Variants in RALGAPA2 observed in about 807,000 individuals in gnomAD.
RALGAPA2 encodes the protein ral GTPase-activating protein subunit alpha-2.
A neutral mutation model predicts 230.4 loss-of-function variants in RALGAPA2; 139 were observed. That is an observed-to-expected ratio of 0.60 (90% CI 0.53 to 0.69). The LOEUF (loss-of-function observed/expected upper bound fraction) is 0.69. Among genes scored for constraint, RALGAPA2 ranks in the 30% least tolerant of loss-of-function variants. RALGAPA2 has a pLI of 0.00. For missense variants in RALGAPA2, 2,163 were observed against 2,276.0 expected (o/e 0.95, Z 1.01); for synonymous variants, 847 against 837.8 (o/e 1.01, Z -0.19).
At chr20:20,483,979 C>A (rs1377458718) in intron 36 of RALGAPA2, among the ~76,000 whole-genome samples, 1 of 152,142 alleles carries the variant, frequency 6.6e-6, no homozygotes, top group African/African-American at 2.4e-5. Flanking sequence ...GGGTGTCCTG[C>A]ATAAAGGTCA....
chr20:20,686,510 C>T (rs538375555), intron 1 of RALGAPA2, among the ~76,000 whole-genome samples: 28 of 147,608 alleles, frequency 1.9e-4, no homozygotes, highest in East Asian at 1.0e-3. Flanking sequence ...CCAGCCTGGA[C>T]GACAGAGTGA....
intron 36 of RALGAPA2, among the ~76,000 whole-genome samples, chr20:20,487,139 G>A (rs1319657439): frequency 6.6e-6 from 1 of 152,106 alleles, no homozygotes; most frequent in Non-Finnish European, 1.5e-5. Flanking sequence ...ACTTTTTGTT[G>A]AAAGCTGGAT....
chr20:20,672,583 A>G (rs1436123840), intron 3 of RALGAPA2, among the ~76,000 whole-genome samples: 3 of 152,220 alleles, frequency 2.0e-5, no homozygotes, highest in Admixed American at 6.5e-5. Flanking sequence ...GAAGGGAGTT[A>G]GTGAACTGGA....
chr20:20,543,325 G>A (rs1010811708), intron 24 of RALGAPA2, among the ~76,000 whole-genome samples: 2 of 152,124 alleles, frequency 1.3e-5, no homozygotes, highest in African/African-American at 2.4e-5. Context: ...GATTACAGGC[G>A]TGAGCTACCA....
chr20:20,404,673 G>A (rs1165636953), intron 38 of RALGAPA2, among the ~76,000 whole-genome samples: 1 of 152,174 alleles, frequency 6.6e-6, no homozygotes, highest in African/African-American at 2.4e-5. Flanking sequence ...AATTGTCTCT[G>A]AGAAAAATTC....
intron 16 of RALGAPA2, among the ~76,000 whole-genome samples, chr20:20,591,684 C>CCACACACACA (rs148734336): frequency 1.4e-4 from 20 of 147,592 alleles, no homozygotes; most frequent in African/African-American, 4.7e-4. Flanking sequence ...GAACAGAAAA[C>CCACACACACA]CACACACACA....
chr20:20,607,170 AT>A (rs199909881), intron 14 of RALGAPA2, among the ~76,000 whole-genome samples: 3,016 of 152,290 alleles, frequency 0.02, 50 homozygotes, highest in South Asian at 0.05. Context: ...TTATATATAG[AT>A]TTTTTAATGG....
Position 20,392,331 on chromosome 20 carries a change from G to A in RALGAPA2, c.*958C>T, listed in dbSNP as rs934721903. 2 of 152,254 alleles carry A rather than the reference G, an allele frequency of 1.3e-5. No homozygotes were observed. The highest frequency in any genetic ancestry group is 2.4e-5 in the African/African-American group (1 of 41,460). The allele number at this position is 152,254 out of a possible 1,614,324, so 9.4% of individuals were successfully genotyped here. A position where few individuals can be genotyped will look rare whatever the true frequency, so the allele number is the denominator to read the frequency against. On this transcript the variant is annotated 3_prime_UTR_variant, in exon 40 of 40. Coordinates refer to ENST00000202677, the MANE Select transcript of RALGAPA2 (RefSeq NM_020343.4). ...AGAAACATTTCTGAGGCCTGTGTGA[G>A]GCCTCTCTGGGCAACAGACAGGAGC...
intron 1 of RALGAPA2, among the ~76,000 whole-genome samples, chr20:20,684,712 G>A (rs987665143): frequency 6.6e-6 from 1 of 152,180 alleles, no homozygotes; most frequent in Non-Finnish European, 1.5e-5. Context: ...CAGCACTTCA[G>A]AAGAGTTGAA....
chr20:20,649,202 G>C (rs2067314734), intron 4 of RALGAPA2, among the ~76,000 whole-genome samples: 1 of 152,192 alleles, frequency 6.6e-6, no homozygotes, highest in South Asian at 2.1e-4. Flanking sequence ...ACTTCTGAGG[G>C]AGTCCTGTGT....
intron 39 of RALGAPA2, among the ~76,000 whole-genome samples, chr20:20,393,496 T>A (rs758242950): frequency 7.9e-5 from 12 of 152,198 alleles, no homozygotes; most frequent in Non-Finnish European, 1.6e-4. Flanking sequence ...TCTTGTGAAA[T>A]TAATTCAGAC....
Position 20,398,840 on chromosome 20 carries a change from G to C in RALGAPA2, c.5618-2106C>G, listed in dbSNP as rs77849827. 6.6e-6 allele frequency among the ~76,000 whole-genome samples: 1 copy of C among 152,200 alleles called. No homozygotes were observed. The highest frequency in any genetic ancestry group is 1.5e-5 in the Non-Finnish European group (1 of 68,034). On this transcript the variant is annotated intron_variant, in intron 38 of 39. Coordinates refer to ENST00000202677, the MANE Select transcript of RALGAPA2 (RefSeq NM_020343.4). The surrounding 1 kb of genome is among the most constrained non-coding windows in gnomAD (Gnocchi z 4.5). ...AAAGCAGATGAAACCGCTGCCTCCA[G>C]GGGATCTGGGAGAAAAGTTACAGCA... is the stretch of plus-strand genomic sequence containing the variant.
chr20:20,481,156 C>T lies in RALGAPA2; in HGVS notation c.5368-8200G>A, dbSNP rs117547526. Among the ~76,000 whole-genome samples the T allele has an allele frequency of 4.9e-4, 75 of 152,328 alleles. 1 individual carries two copies. In the East Asian group the frequency reaches 0.011, roughly 22 times the overall value. ...AGAGCCTTTTGCAGCAAAGTGATAACGCTGAAGTCCACGTGGCAACACTAG... is the reference window on the plus strand; with the variant it reads ...AGAGCCTTTTGCAGCAAAGTGATAATGCTGAAGTCCACGTGGCAACACTAG... On this transcript the variant is annotated intron_variant, in intron 36 of 39. Transcript: ENST00000202677.
chr20:20,608,555 C>G (rs1192083963), intron 14 of RALGAPA2, among the ~76,000 whole-genome samples: 1 of 152,066 alleles, frequency 6.6e-6, no homozygotes, highest in East Asian at 1.9e-4. Flanking sequence ...TTAAAAATGT[C>G]CCGTCCCTTT....
chr20:20,425,522 G>T (rs2060364173), intron 37 of RALGAPA2, among the ~76,000 whole-genome samples: 1 of 152,130 alleles, frequency 6.6e-6, no homozygotes, highest in Non-Finnish European at 1.5e-5. Flanking sequence ...CAGTTTTCCA[G>T]GAAGATATTC....
chr20:20,541,104 A>C (rs1254621464), intron 24 of RALGAPA2, among the ~76,000 whole-genome samples: 1 of 146,270 alleles, frequency 6.8e-6, no homozygotes, highest in African/African-American at 2.5e-5. Flanking sequence ...TTTCCTCCAC[A>C]TCCTTGCCTA....
intron 23 of RALGAPA2, among the ~76,000 whole-genome samples, chr20:20,552,486 G>A (rs1022811654): frequency 6.6e-6 from 1 of 152,146 alleles, no homozygotes; most frequent in African/African-American, 2.4e-5. Flanking sequence ...TTTTACCTAG[G>A]AAATTCTATA....
rs116461652 is a variant in RALGAPA2 at position 20,441,251 on chromosome 20, G to A, written c.5496-29103C>T. On this transcript the variant is annotated intron_variant, in intron 37 of 39. Transcript: ENST00000202677. The stretch of plus-strand genomic sequence containing the variant: ...AATTTACATAAGATGCTTTTTGGGA[G>A]CTGTTTCACATGAGGACCTTTTTCA... 1.2e-3 allele frequency among the ~76,000 whole-genome samples: 178 copies of A among 152,340 alleles called. 1 individual carries two copies. The highest frequency in any genetic ancestry group is 4.1e-3 in the African/African-American group (169 of 41,574).
chr20:20,672,299 A>G (rs2146761303), intron 3 of RALGAPA2, among the ~76,000 whole-genome samples: 1 of 152,330 alleles, frequency 6.6e-6, no homozygotes, highest in South Asian at 2.1e-4. Flanking sequence ...AAATATGCAA[A>G]AAAAGAAGCC....
Sources: gnomAD v4.1 joint callset for allele counts (sites outside exome capture counted in the v4.1 genomes callset) on GRCh38, gnomAD v4.1.1 for gene constraint, Gnocchi (gnomAD v3.1) non-coding constraint, MANE v1.5 for transcripts, NCBI Gene and HGNC (gene_info 2026-07-23, HGNC 2026-07-21) for gene names.